PSME3IP1: variants seen among roughly 807,000 people sequenced by gnomAD.
PSME3IP1 encodes the protein proteasome activator subunit 3 interacting protein 1.
PSME3IP1 carries 13 observed loss-of-function variants against 34.1 expected under a neutral mutation model. The observed-to-expected ratio is 0.38, with a 90% confidence interval of 0.25 to 0.61. The LOEUF (loss-of-function observed/expected upper bound fraction) is 0.61. Among genes scored for constraint, PSME3IP1 ranks in the 20% least tolerant of loss-of-function variants. The probability of loss-of-function intolerance (pLI) is 0.60; values close to 1 mark genes in which losing one functional copy is unlikely to be tolerated. For synonymous variants in PSME3IP1, 93 were observed against 114.3 expected (o/e 0.81, Z 1.19); for missense variants, 237 against 301.4 (o/e 0.79, Z 1.58).
intron 1 of PSME3IP1, chr16:57,174,768 G>A (rs116634829): frequency 5.6e-5 from 45 of 802,244 alleles, no homozygotes; most frequent in African/African-American, 4.5e-4. Context: ...TCAGTTCCAC[G>A]TACTTTCCTG....
intron 4 of PSME3IP1, among the ~76,000 whole-genome samples, chr16:57,168,594 G>C (rs2072178834): frequency 6.6e-6 from 1 of 151,886 alleles, no homozygotes; most frequent in African/African-American, 2.4e-5. Flanking sequence ...CTGAGGTCGG[G>C]AGTTCAAGAC....
Position 57,173,706 on chromosome 16 carries a change from T to C in PSME3IP1, c.127+22A>G, listed in dbSNP as rs750051616. ...GGTTGCTGTGTGGATTAAAGACCAT[T>C]ATACTGACTGTCACAGTATACCTTC... On this transcript the variant is annotated intron_variant, in intron 2 of 6. Transcript: ENST00000309137. 11 of 1,612,892 alleles carry C rather than the reference T, an allele frequency of 6.8e-6. No homozygotes were observed. The Admixed American group carries it at 8.3e-5, about 12-fold the overall frequency.
chr16:57,172,616 T>C (rs995725250), intron 3 of PSME3IP1, among the ~76,000 whole-genome samples, 160 bp downstream of exon 3: 16 of 152,174 alleles, frequency 1.1e-4, no homozygotes, highest in Non-Finnish European at 1.0e-4. Context: ...TTCAATGTGG[T>C]CTAGAAGGCT....
intron 5 of PSME3IP1, among the ~76,000 whole-genome samples, chr16:57,166,816 A>G (rs1350337629): frequency 2.6e-5 from 4 of 152,242 alleles, no homozygotes; most frequent in African/African-American, 7.2e-5. Context: ...TGAAGAATAC[A>G]TGGGATTATG....
rs374273135 is a variant in PSME3IP1 at position 57,167,053 on chromosome 16, C to T, written c.482+40G>A. ...ATTACAAGTGGTGTTTCAGAGTACA[C>T]GGTCAGAGAGAAATCTGAGTTGTGT... On this transcript the variant is annotated intron_variant, in intron 5 of 6. Coordinates refer to ENST00000309137, the MANE Select transcript of PSME3IP1 (RefSeq NM_024946.4). 7.9e-5 allele frequency: 127 copies of T among 1,608,686 alleles called. No homozygotes were observed. In the Admixed American group the frequency reaches 1.5e-3, roughly 19 times the overall value.
chr16:57,174,639 G>A (rs1244961152), intron 1 of PSME3IP1: 1 of 985,276 alleles, frequency 1.0e-6, no homozygotes, highest in Non-Finnish European at 1.2e-6. Flanking sequence ...CCTCCAAGTA[G>A]ATTAAGATGG....
At chr16:57,170,504 T>C (rs926521128) in intron 4 of PSME3IP1, among the ~76,000 whole-genome samples, 1 of 152,262 alleles carries the variant, frequency 6.6e-6, no homozygotes, top group Non-Finnish European at 1.5e-5. Context: ...ACACCAGTGA[T>C]GTTACTCAAC....
At chr16:57,173,999 AT>A in intron 1 of PSME3IP1, 130 bp from the exon 2 acceptor site, 1 of 1,020,146 alleles carries the variant, frequency 9.8e-7, no homozygotes, top group Non-Finnish European at 1.4e-6. Flanking sequence ...CCAACTTTGA[AT>A]TGAAAAAATT....
intron 4 of PSME3IP1, among the ~76,000 whole-genome samples, chr16:57,169,514 C>T (rs1282478907): frequency 1.3e-5 from 2 of 152,184 alleles, no homozygotes; most frequent in Non-Finnish European, 2.9e-5. Flanking sequence ...TGCTTTTCTT[C>T]AGTTTTTCTA....
chr16:57,164,159 T>C, intron 5 of PSME3IP1, 94 bp from the exon 6 acceptor site: 2 of 1,048,124 alleles, frequency 1.9e-6, no homozygotes, highest in East Asian at 2.4e-5. Flanking sequence ...ATATGGGTCT[T>C]AGGCAGTCTC....
At chr16:57,173,004 G>A in intron 2 of PSME3IP1, 130 bp from the exon 3 acceptor site, 1 of 640,594 alleles carries the variant, frequency 1.6e-6, no homozygotes, top group Non-Finnish European at 2.8e-6. Flanking sequence ...CTGAGGGTGT[G>A]GATAACACAA....
intron 1 of PSME3IP1, among the ~76,000 whole-genome samples, chr16:57,184,243 T>TAAAA (rs34543179): frequency 2.8e-5 from 4 of 141,548 alleles, no homozygotes; most frequent in African/African-American, 7.7e-5. Context: ...GTTAAATCGA[T>TAAAA]AAAAAAAAAA....
chr16:57,176,767 A>G (rs1447783172), intron 1 of PSME3IP1, among the ~76,000 whole-genome samples: 1 of 152,224 alleles, frequency 6.6e-6, no homozygotes, highest in African/African-American at 2.4e-5. Context: ...ATCAGATTAG[A>G]TATGATTTAA....
chr16:57,180,610 A>C (rs189041622), intron 1 of PSME3IP1, among the ~76,000 whole-genome samples: 1 of 151,674 alleles, frequency 6.6e-6, no homozygotes, highest in East Asian at 1.9e-4. Context: ...AAAAAAAAAA[A>C]AGAAAAGAAA....
intron 1 of PSME3IP1, 69 bp from the exon 2 acceptor site, chr16:57,173,938 A>C: frequency 1.3e-6 from 2 of 1,483,178 alleles, no homozygotes; most frequent in Non-Finnish European, 1.8e-6. Context: ...TCTAAAGAGA[A>C]ACAAGGAGAT....
chr16:57,168,987 A>C (rs1308848639), intron 4 of PSME3IP1, among the ~76,000 whole-genome samples: 1 of 152,074 alleles, frequency 6.6e-6, no homozygotes, highest in African/African-American at 2.4e-5. Context: ...AAGCATGTAT[A>C]TATTTATACA....
rs139516846 is a variant in PSME3IP1, at chr16:57,158,947, A to C, written c.548-4440T>G. Among the ~76,000 whole-genome samples, 773 of 152,352 alleles carry C rather than the reference A, an allele frequency of 5.1e-3. 7 individuals carry two copies. Among genetic ancestry groups the C allele is most frequent in the African/African-American group, 0.018 (749 of 41,582 alleles). Reference sequence around the variant, plus strand: ...GTATCTAAACATAGCTAAGCATAGAAAAAGGCATAGTAAAAATACGATATT... The same window carrying C: ...GTATCTAAACATAGCTAAGCATAGACAAAGGCATAGTAAAAATACGATATT... On this transcript the variant is annotated intron_variant, in intron 6 of 6. Coordinates refer to ENST00000309137, the MANE Select transcript of PSME3IP1 (RefSeq NM_024946.4).
chr16:57,185,466 A>G, intron 1 of PSME3IP1: 1 of 971,380 alleles, frequency 1.0e-6, no homozygotes, highest in Non-Finnish European at 1.2e-6. Flanking sequence ...GACGCCGCAC[A>G]TCCGAGTGAG....
rs2070199531 is a variant in PSME3IP1, at chr16:57,153,891, T to A, written c.*399A>T. On this transcript the variant is annotated 3_prime_UTR_variant, in exon 7 of 7. Coordinates refer to ENST00000309137, the MANE Select transcript of PSME3IP1 (RefSeq NM_024946.4). Reference sequence around the variant, plus strand: ...ATTCATTTACAATAGAATGTTTAAATAACACCTGTCCAATAACTGCCCTTA... The same window carrying A: ...ATTCATTTACAATAGAATGTTTAAAAAACACCTGTCCAATAACTGCCCTTA... 4.9e-6 allele frequency: 1 copy of A among 203,954 alleles called. No individual in the cohort carries two copies. Among genetic ancestry groups the A allele is most frequent in the African/African-American group, 2.3e-5 (1 of 42,564 alleles). 12.6% of individuals were successfully genotyped at this position (203,954 alleles called of 1,614,324 possible).
Sources: allele counts gnomAD v4.1 joint callset (sites outside exome capture counted in the v4.1 genomes callset), GRCh38; gene constraint gnomAD v4.1.1; transcripts MANE v1.5; gene names NCBI Gene and HGNC (gene_info 2026-07-23, HGNC 2026-07-21).